WASHC5: variants seen among roughly 807,000 people sequenced by gnomAD.
The protein encoded by WASHC5 is WASH complex subunit 5.
In WASHC5, 101 loss-of-function variants were observed where a neutral mutation model predicts 150.4. That is an observed-to-expected ratio of 0.67 (90% confidence interval 0.57 to 0.79). WASHC5 has a LOEUF of 0.79. WASHC5 is among the 30% of genes least tolerant of loss of function. The pLI, the probability that WASHC5 is intolerant of heterozygous loss-of-function variation, is 0.00. For missense variants in WASHC5, 1,195 were observed against 1,396.3 expected (o/e 0.86, Z 2.30); for synonymous variants, 467 against 491.2 (o/e 0.95, Z 0.65).
At position 125,054,623 on chromosome 8, in the gene WASHC5, G is replaced by A. The variant is rs146564285; in HGVS notation, c.2097+968C>T. ...CCGAGGCGGGCGGGTCACGAGGTCA[G>A]GAGATCAAGACCACGGTGAAACCCT... On this transcript the variant is annotated intron_variant, in intron 17 of 28. Coordinates refer to ENST00000318410, the MANE Select transcript of WASHC5 (RefSeq NM_014846.4). Among the ~76,000 whole-genome samples, 369 of 152,054 alleles carry A rather than the reference G, an allele frequency of 2.4e-3. 6 individuals are homozygous for A. In the East Asian group the frequency reaches 0.064, roughly 26 times the overall value.
chr8:125,076,745 A>C (rs1259817524), intron 6 of WASHC5, among the ~76,000 whole-genome samples: 1 of 22,768 alleles, frequency 4.4e-5, no homozygotes, highest in Non-Finnish European at 7.5e-5. Context: ...GTCTTTTCTT[A>C]AAAAAAAAAA....
chr8:125,050,644 C>G lies in WASHC5; in HGVS notation c.2119G>C (p.Glu707Gln). The change falls in exon 18 of 29, where the codon GAA becomes CAA. Residue 707 changes from glutamate (E) to glutamine (Q), a missense_variant. Transcript: ENST00000318410. ...ACAAGCTCTTTCCTTATTCCATCTT[C>G]CAGCAACTGCTTTGGATCCACCTAA... ...IIKVDPKQLLEDGIRKELVKR... is the reference protein window; with the variant it reads ...IIKVDPKQLLQDGIRKELVKR... 1.9e-6 allele frequency: 3 copies of G among 1,614,020 alleles called. No homozygotes were observed. The highest frequency in any genetic ancestry group is 2.5e-6 in the Non-Finnish European group (3 of 1,179,906).
At chr8:125,084,387 G>A (rs549954834) in intron 1 of WASHC5, among the ~76,000 whole-genome samples, 7 of 152,318 alleles carry the variant, frequency 4.6e-5, no homozygotes, top group Admixed American at 3.3e-4. Flanking sequence ...ACGCTATAAA[G>A]AGAGCTCAGA....
At chr8:125,080,398 T>C (rs1197431566) in intron 5 of WASHC5, among the ~76,000 whole-genome samples, 1 of 152,184 alleles carries the variant, frequency 6.6e-6, no homozygotes, top group African/African-American at 2.4e-5. Context: ...CAAACTGACA[T>C]GAATGAACAC....
intron 28 of WASHC5, 61 bp downstream of exon 28, chr8:125,028,559 G>A (rs1815437515): frequency 1.6e-6 from 2 of 1,226,980 alleles, no homozygotes; most frequent in Non-Finnish European, 1.2e-6. Context: ...TGAATCCAGG[G>A]CCACTATTAT....
chr8:125,053,844 G>A (rs1413691667), intron 17 of WASHC5, among the ~76,000 whole-genome samples: 1 of 152,156 alleles, frequency 6.6e-6, no homozygotes, highest in African/African-American at 2.4e-5. Context: ...AAAGCAATGA[G>A]ATACTTTATA....
intron 6 of WASHC5, 23 bp downstream of exon 6, chr8:125,078,715 G>A (rs1401173821): frequency 2.7e-6 from 4 of 1,499,680 alleles, no homozygotes; most frequent in South Asian, 2.3e-5. Flanking sequence ...GTCTTAATAG[G>A]TCTTAATAGA....
At chr8:125,035,747 C>T (rs147194589) in intron 26 of WASHC5, among the ~76,000 whole-genome samples, 141 of 151,996 alleles carry the variant, frequency 9.3e-4, no homozygotes, top group Non-Finnish European at 1.8e-3. Context: ...TCAATGATTA[C>T]TTTTGAATGA....
chr8:125,029,297 T>C (rs1033214692), intron 27 of WASHC5, among the ~76,000 whole-genome samples: 40 of 152,300 alleles, frequency 2.6e-4, no homozygotes, highest in African/African-American at 9.6e-4. Flanking sequence ...CCTCCCAAAG[T>C]GTTGGGATTA....
rs1042156822 is a variant in WASHC5, at chr8:125,076,630, A to G, written c.712-130T>C. 9 of 986,576 alleles carry G rather than the reference A, an allele frequency of 9.1e-6. No homozygotes were observed. The Middle Eastern group carries it at 1.3e-3, about 143-fold the overall frequency. 61.1% of individuals were successfully genotyped at this position (986,576 alleles called of 1,614,324 possible). ...CCCATCACCTTTCAGGATCCTGGAC[A>G]CTGGAAGCCCTTCTCAGACTGTACC... On this transcript the variant is annotated intron_variant, in intron 6 of 28. Coordinates refer to ENST00000318410, the MANE Select transcript of WASHC5 (RefSeq NM_014846.4).
At chr8:125,057,695 C>A in intron 14 of WASHC5, 29 bp from the exon 15 acceptor site, 2 of 1,395,924 alleles carry the variant, frequency 1.4e-6, no homozygotes, top group Non-Finnish European at 2.0e-6. Context: ...ATATCTGTTT[C>A]TTGTTTCAAA....
chr8:125,062,121 A>C (rs1046374138), intron 11 of WASHC5, among the ~76,000 whole-genome samples: 2 of 152,120 alleles, frequency 1.3e-5, no homozygotes, highest in African/African-American at 4.8e-5. Flanking sequence ...TCATTTTTGA[A>C]GATTTTTGTA....
intron 9 of WASHC5, among the ~76,000 whole-genome samples, chr8:125,069,493 T>C (rs1816842111): frequency 6.6e-6 from 1 of 152,216 alleles, no homozygotes; most frequent in Non-Finnish European, 1.5e-5. Context: ...CCTCCTGCCT[T>C]CCTAGTCCTG....
chr8:125,079,060 ATCC>A, intron 5 of WASHC5, 130 bp from the exon 6 acceptor site: 2 of 647,506 alleles, frequency 3.1e-6, no homozygotes, highest in South Asian at 3.6e-5. Context: ...GTCCATCTAT[ATCC>A]TCAATATATC....
chr8:125,051,597 A>C (rs1301344515), intron 17 of WASHC5, among the ~76,000 whole-genome samples: 1 of 152,246 alleles, frequency 6.6e-6, no homozygotes, highest in Non-Finnish European at 1.5e-5. Flanking sequence ...AGGGAAAGAA[A>C]GGAAGGAGGG....
In WASHC5 at chr8:125,083,833, A is replaced by G; in HGVS notation, c.66T>C (p.Gly22=). The G allele has an allele frequency of 6.2e-7, 1 of 1,614,064 alleles. No homozygotes were observed. Among genetic ancestry groups the G allele is most frequent in the Non-Finnish European group, 8.5e-7 (1 of 1,179,964 alleles). ...GQAILRIVSC[G]NAIIAELLRL... ...TCAAAAGTTCAGCAATGATGGCATT[A>G]CCACAGGAAACAATCCTTAGGATTG... The change falls in exon 2 of 29, where the codon GGT becomes GGC. Residue 22 remains glycine, a synonymous_variant. Transcript: ENST00000318410.
intron 5 of WASHC5, among the ~76,000 whole-genome samples, chr8:125,079,507 G>A (rs1045394138): frequency 2.0e-5 from 3 of 151,972 alleles, no homozygotes; most frequent in African/African-American, 7.3e-5. Context: ...TTATATTTTT[G>A]AAAGCCTGTT....
intron 1 of WASHC5, among the ~76,000 whole-genome samples, chr8:125,085,609 G>A (rs1817397670): frequency 6.6e-6 from 1 of 152,140 alleles, no homozygotes; most frequent in Admixed American, 6.5e-5. Flanking sequence ...AAGTCTTTGA[G>A]CATGTCACTA....
chr8:125,039,766 G>T (rs774438456), intron 24 of WASHC5, 29 bp downstream of exon 24: 2 of 1,449,332 alleles, frequency 1.4e-6, no homozygotes, highest in Non-Finnish European at 1.9e-6. Flanking sequence ...CCAAGCCCAC[G>T]GATGGCTGTT....
Sources: allele counts gnomAD v4.1 joint callset (sites outside exome capture counted in the v4.1 genomes callset), GRCh38; gene constraint gnomAD v4.1.1; transcripts MANE v1.5; gene names NCBI Gene and HGNC (gene_info 2026-07-23, HGNC 2026-07-21).